The following GMDS variants were observed in gnomAD, a reference collection of about 807,000 sequenced individuals.
GMDS encodes GDP-mannose 4,6-dehydratase.
In GMDS, 20 loss-of-function variants were observed where a neutral mutation model predicts 49.9. The observed-to-expected ratio is 0.40, with a 90% CI of 0.28 to 0.58. The LOEUF (loss-of-function observed/expected upper bound fraction) is 0.58. Among genes scored for constraint, GMDS ranks in the 20% least tolerant of loss-of-function variants. GMDS has a pLI of 0.42. For missense variants in GMDS, 362 were observed against 481.4 expected (o/e 0.75, Z 2.32); for synonymous variants, 177 against 178.6 (o/e 0.99, Z 0.07).
intron 4 of GMDS, among the ~76,000 whole-genome samples, chr6:2,026,963 AAAT>A (rs1347439856): frequency 6.6e-6 from 1 of 152,248 alleles, no homozygotes; most frequent in African/African-American, 2.4e-5. Context: ...ATCATATAAG[AAAT>A]AATAATATCA....
chr6:1,627,159 T>A (rs573273102), intron 9 of GMDS, among the ~76,000 whole-genome samples: 1 of 152,256 alleles, frequency 6.6e-6, no homozygotes, highest in Non-Finnish European at 1.5e-5. Flanking sequence ...TCCAATCAAC[T>A]TTTAAGGAAA....
intron 4 of GMDS, among the ~76,000 whole-genome samples, chr6:1,962,829 A>C (rs1042783202): frequency 8.6e-5 from 13 of 151,136 alleles, no homozygotes; most frequent in Non-Finnish European, 1.8e-4. Context: ...TATGACTTGC[A>C]ATCTTTCCTC....
rs567138201 is a variant in GMDS at position 1,973,693 on chromosome 6, T to C, written c.346-12727A>G. Among the ~76,000 whole-genome samples the C allele has an allele frequency of 7.2e-5, 11 of 152,328 alleles. No homozygotes were observed. In the South Asian group the frequency reaches 2.3e-3, roughly 32 times the overall value. On this transcript the variant is annotated intron_variant, in intron 4 of 10. Transcript: ENST00000380815. ...AGTTTTACTTTCCTTTTATGAATAC[T>C]ATAATTACATTTAAAATGGTCACTA... is the stretch of plus-strand genomic sequence containing the variant.
intron 7 of GMDS, among the ~76,000 whole-genome samples, chr6:1,781,862 T>C (rs143851325): frequency 0.022 from 3,398 of 152,166 alleles, 94 homozygotes; most frequent in Admixed American, 0.081. Flanking sequence ...CCAACTTTTT[T>C]TTTTTTTTGG....
intron 8 of GMDS, among the ~76,000 whole-genome samples, chr6:1,726,867 AATAAATTATT>A (rs1181123891): frequency 6.6e-6 from 1 of 151,730 alleles, no homozygotes; most frequent in Admixed American, 6.6e-5. Flanking sequence ...ATTATTAATT[AATAAATTATT>A]ATAAATTAAT....
Position 1,766,525 on chromosome 6 carries a change from C to T in GMDS, c.772-23939G>A, listed in dbSNP as rs187583960. Among the ~76,000 whole-genome samples the T allele has an allele frequency of 1.1e-3, 172 of 152,216 alleles. No homozygotes were observed. The highest frequency in any genetic ancestry group is 3.9e-3 in the African/African-American group (161 of 41,520). On this transcript the variant is annotated intron_variant, in intron 7 of 10. Transcript: ENST00000380815. The surrounding 1 kb of genome is among the most constrained non-coding windows in gnomAD (Gnocchi z 4.5). ...TAACTCACTTTCTAATGAACAAAGT[C>T]GCTTACTTTGAAAAGTGATTTCTCT...
chr6:2,216,995 C>A (rs1330297970), intron 1 of GMDS, among the ~76,000 whole-genome samples: 1 of 152,120 alleles, frequency 6.6e-6, no homozygotes, highest in South Asian at 2.1e-4. Flanking sequence ...ATTCTGAGAC[C>A]CGCACATCAG....
intron 9 of GMDS, among the ~76,000 whole-genome samples, chr6:1,675,264 T>C (rs1581443158): frequency 6.6e-6 from 1 of 152,186 alleles, no homozygotes; most frequent in Non-Finnish European, 1.5e-5. Flanking sequence ...GAAAACCAAT[T>C]GACTGTTGTA....
intron 4 of GMDS, among the ~76,000 whole-genome samples, chr6:1,967,899 T>C (rs1440558598): frequency 6.6e-6 from 1 of 152,188 alleles, no homozygotes; most frequent in East Asian, 1.9e-4. Context: ...AACAGAAAAT[T>C]AGAATTAGTC....
intron 1 of GMDS, among the ~76,000 whole-genome samples, chr6:2,216,517 A>T (rs754639887): frequency 6.6e-6 from 1 of 152,196 alleles, no homozygotes; most frequent in Non-Finnish European, 1.5e-5. Flanking sequence ...ACGTGTGCAC[A>T]TGGGTAAACT....
chr6:1,786,413 T>C (rs1011522213), intron 7 of GMDS, among the ~76,000 whole-genome samples: 2 of 151,808 alleles, frequency 1.3e-5, no homozygotes, highest in Non-Finnish European at 2.9e-5. Flanking sequence ...AGGGAAAGAG[T>C]GGGACTCCAG....
At chr6:1,650,573 A>G (rs889315168) in intron 9 of GMDS, among the ~76,000 whole-genome samples, 13 of 152,086 alleles carry the variant, frequency 8.5e-5, no homozygotes, top group African/African-American at 3.1e-4. Context: ...GATTAAACAC[A>G]TTTATTTACT....
intron 4 of GMDS, among the ~76,000 whole-genome samples, chr6:2,016,487 T>A (rs1269654093): frequency 6.6e-6 from 1 of 152,084 alleles, no homozygotes; most frequent in Non-Finnish European, 1.5e-5. Context: ...GGAGACAGAA[T>A]CAAATTCAGA....
intron 9 of GMDS, among the ~76,000 whole-genome samples, chr6:1,707,142 T>G (rs1765767765): frequency 6.6e-6 from 1 of 152,182 alleles, no homozygotes; most frequent in African/African-American, 2.4e-5. Flanking sequence ...CAAATGTTGC[T>G]TACCCAAAAT....
At chr6:1,685,470 C>T (rs1764945098) in intron 9 of GMDS, among the ~76,000 whole-genome samples, 2 of 151,942 alleles carry the variant, frequency 1.3e-5, no homozygotes, top group Non-Finnish European at 1.5e-5. Context: ...GTTTGCTAAG[C>T]GACTTTAGTA....
intron 4 of GMDS, among the ~76,000 whole-genome samples, chr6:2,087,540 G>A (rs1773081428): frequency 2.0e-5 from 3 of 152,234 alleles, no homozygotes; most frequent in Admixed American, 2.0e-4. Context: ...GAGACAATTT[G>A]CACTCAGGCC....
intron 4 of GMDS, among the ~76,000 whole-genome samples, chr6:2,021,228 C>T (rs1768261542): frequency 6.6e-6 from 1 of 152,202 alleles, no homozygotes; most frequent in African/African-American, 2.4e-5. Context: ...AGCAGCCCAG[C>T]TTGTTGCTAT....
Position 2,138,871 on chromosome 6 carries a change from A to AT in GMDS, c.103-14141dup, listed in dbSNP as rs367765221. On this transcript the variant is annotated intron_variant, in intron 1 of 10. Coordinates refer to ENST00000380815, the MANE Select transcript of GMDS (RefSeq NM_001500.4). ...TCATTTTCTTTACATTTTTTATACA[A>AT]TTGCAAATGAGATTCATCATGAAGT... Among the ~76,000 whole-genome samples, 256 of 152,214 alleles carry AT rather than the reference A, an allele frequency of 1.7e-3. 1 individual carries two copies. Among genetic ancestry groups the AT allele is most frequent in the African/African-American group, 6.1e-3 (253 of 41,528 alleles).
chr6:1,746,100 T>A (rs1236071857), intron 7 of GMDS, among the ~76,000 whole-genome samples: 1 of 152,218 alleles, frequency 6.6e-6, no homozygotes, highest in African/African-American at 2.4e-5. Flanking sequence ...ACCTTCCTGT[T>A]CACATGCTGG....
Sources: gnomAD v4.1 joint callset for allele counts (sites outside exome capture counted in the v4.1 genomes callset) on GRCh38, gnomAD v4.1.1 for gene constraint, Gnocchi (gnomAD v3.1) non-coding constraint, MANE v1.5 for transcripts, NCBI Gene and HGNC (gene_info 2026-07-23, HGNC 2026-07-21) for gene names.